The following NOTCH2NLB variants were observed in gnomAD, a reference collection of about 807,000 sequenced individuals.
NOTCH2NLB encodes the protein notch homolog 2 N-terminal-like protein B.
A neutral mutation model predicts 14.8 loss-of-function variants in NOTCH2NLB; 1 was observed. That is an observed-to-expected ratio of 0.07 (90% CI 0.02 to 0.32). NOTCH2NLB has a LOEUF of 0.32. Among genes scored for constraint, NOTCH2NLB ranks in the 10% least tolerant of loss-of-function variants. The pLI is 1.00. For synonymous variants in NOTCH2NLB, 6 were observed against 57.5 expected (o/e 0.10, Z 4.05); for missense variants, 11 against 155.0 (o/e 0.07, Z 4.93).
intron 1 of NOTCH2NLB, among the ~76,000 whole-genome samples, chr1:148,673,683 C>T (rs1268473061): frequency 6.6e-6 from 1 of 151,120 alleles, no homozygotes. Flanking sequence ...TAACCTTATA[C>T]CATAGCAGCT....
At chr1:148,638,058 T>G (rs1664254239) in intron 2 of NOTCH2NLB, among the ~76,000 whole-genome samples, 2 of 148,824 alleles carry the variant, frequency 1.3e-5, no homozygotes, top group Non-Finnish European at 3.0e-5. Context: ...AACACACATG[T>G]GCATGTGTCC....
chr1:148,601,158 C>T, the NOTCH2NLB span, among the ~76,000 whole-genome samples: 4 of 150,358 alleles, frequency 2.7e-5, no homozygotes, highest in African/African-American at 7.5e-5. Flanking sequence ...TCTGGGATCC[C>T]GGAGTTCCCT....
chr1:148,627,745 C>T (rs1367059334), intron 2 of NOTCH2NLB, among the ~76,000 whole-genome samples: 3 of 150,644 alleles, frequency 2.0e-5, no homozygotes, highest in Non-Finnish European at 4.4e-5. Context: ...AACCCTGAGC[C>T]TGTGTTACTC....
At position 148,615,128 on chromosome 1, in the gene NOTCH2NLB, C is replaced by G. The variant is rs1289441020; in HGVS notation, c.337+563G>C. Among the ~76,000 whole-genome samples, 6 of 142,588 alleles carry G rather than the reference C, an allele frequency of 4.2e-5. 1 individual carries two copies. Among genetic ancestry groups the G allele is most frequent in the Non-Finnish European group, 9.5e-5 (6 of 63,016 alleles). 93.5% of individuals were successfully genotyped at this position (142,588 alleles called of 152,430 possible). On this transcript the variant is annotated intron_variant, in intron 3 of 4. Coordinates refer to ENST00000593495, the Ensembl canonical transcript of NOTCH2NLB. Reference sequence around the variant, plus strand: ...AGTGAAGTAAACTCTGATTCCCCATCCTGGTGTACATATTTTTTTTTTTTG... The same window carrying G: ...AGTGAAGTAAACTCTGATTCCCCATGCTGGTGTACATATTTTTTTTTTTTG...
At chr1:148,627,576 A>G (rs1289614800) in intron 2 of NOTCH2NLB, among the ~76,000 whole-genome samples, 52 of 148,530 alleles carry the variant, frequency 3.5e-4, no homozygotes, top group African/African-American at 1.3e-3. Flanking sequence ...AGAAAATGCT[A>G]TAGTACACTA....
At chr1:148,701,025 G>A in the NOTCH2NLB span, among the ~76,000 whole-genome samples, 1 of 57,460 alleles carries the variant, frequency 1.7e-5, no homozygotes, top group African/African-American at 6.2e-5. Flanking sequence ...TAGACTATGT[G>A]GAGGCAGGAG....
At chr1:148,634,379 G>A (rs1664177037) in intron 2 of NOTCH2NLB, among the ~76,000 whole-genome samples, 1 of 145,700 alleles carries the variant, frequency 6.9e-6, no homozygotes, top group African/African-American at 2.5e-5. Flanking sequence ...ATCTGACAAT[G>A]CCCCTGTGCC....
At chr1:148,638,285 A>G (rs1490488756) in intron 2 of NOTCH2NLB, among the ~76,000 whole-genome samples, 3 of 149,322 alleles carry the variant, frequency 2.0e-5, no homozygotes, top group African/African-American at 7.5e-5. Flanking sequence ...TTGCTGAACA[A>G]TAACTACACC....
chr1:148,622,369 C>CAAA (rs1286073065), intron 2 of NOTCH2NLB, among the ~76,000 whole-genome samples: 1 of 83,508 alleles, frequency 1.2e-5, no homozygotes. Flanking sequence ...GACTCCCTCT[C>CAAA]AAAAAAAAAA....
chr1:148,639,078 TCAAA>T (rs1364621949), intron 2 of NOTCH2NLB, among the ~76,000 whole-genome samples: 2 of 139,642 alleles, frequency 1.4e-5, no homozygotes, highest in East Asian at 4.0e-4. Flanking sequence ...ACAGCCTTCC[TCAAA>T]CAAACAAAAC....
chr1:148,674,079 C>T (rs1369680186), intron 1 of NOTCH2NLB, among the ~76,000 whole-genome samples: 3 of 16,362 alleles, frequency 1.8e-4, no homozygotes, highest in African/African-American at 5.7e-4. Flanking sequence ...AGCAATCACC[C>T]CAGACATGCT....
At position 148,670,201 on chromosome 1, in the gene NOTCH2NLB, T is replaced by G. The variant is rs1664728566; in HGVS notation, c.3+9261A>C. ...CAACATTGGTAGCAATTTGATGTTG[T>G]TATATACTGCTAATTATTTCCATAC... is the stretch of plus-strand genomic sequence containing the variant. On this transcript the variant is annotated intron_variant, in intron 1 of 4. Transcript: ENST00000593495. 2.0e-5 allele frequency among the ~76,000 whole-genome samples: 2 copies of G among 98,072 alleles called. 1 individual carries two copies. The highest frequency in any genetic ancestry group is 4.6e-5 in the Non-Finnish European group (2 of 43,258). 64.3% of individuals were successfully genotyped at this position (98,072 alleles called of 152,430 possible). A position where few individuals can be genotyped will look rare whatever the true frequency, so the allele number is the denominator to read the frequency against.
chr1:148,608,652 TACTA>T (rs1663587178), intron 3 of NOTCH2NLB, among the ~76,000 whole-genome samples: 1 of 150,666 alleles, frequency 6.6e-6, no homozygotes, highest in Non-Finnish European at 1.5e-5. Context: ...AAAATATAGT[TACTA>T]AATAGACCTC....
At chr1:148,679,826 C>T, upstream of NOTCH2NLB, 2 of 246,364 alleles carry the variant, frequency 8.1e-6, 1 homozygote, top group South Asian at 1.3e-4. Context: ...AAGCCCCGCC[C>T]CACTGTCGCC....
chr1:148,636,859 G>T (rs1367620294), intron 2 of NOTCH2NLB, among the ~76,000 whole-genome samples: 2 of 142,940 alleles, frequency 1.4e-5, no homozygotes, highest in Admixed American at 1.4e-4. Flanking sequence ...TGCTGAGGTA[G>T]GGAATCACTC....
intron 3 of NOTCH2NLB, among the ~76,000 whole-genome samples, chr1:148,610,323 GAGAAAGAA>G (rs1294416962): frequency 0.033 from 1,511 of 45,480 alleles, 60 homozygotes; most frequent in East Asian, 0.075. Flanking sequence ...GAGAAAGAGA[GAGAAAGAA>G]AGAAAGAAAG....
intron 2 of NOTCH2NLB, among the ~76,000 whole-genome samples, chr1:148,637,998 G>C (rs1664251978): frequency 6.8e-6 from 1 of 147,700 alleles, no homozygotes; most frequent in African/African-American, 2.5e-5. Flanking sequence ...ATCACCGTTG[G>C]GCATTTGGGT....
chr1:148,651,144 G>GAAAAAAAA (rs1159790526), intron 1 of NOTCH2NLB, among the ~76,000 whole-genome samples: 23 of 76,480 alleles, frequency 3.0e-4, no homozygotes, highest in African/African-American at 6.1e-4. Context: ...CTCTGCCTGA[G>GAAAAAAAA]AAAAAAAAAA....
chr1:148,684,845 T>C, the NOTCH2NLB span, among the ~76,000 whole-genome samples: 2 of 109,042 alleles, frequency 1.8e-5, no homozygotes, highest in African/African-American at 6.6e-5. Flanking sequence ...GGAGGACCAC[T>C]TGATCCCAGG....
Sources: allele counts gnomAD v4.1 joint callset (sites outside exome capture counted in the v4.1 genomes callset), GRCh38; gene constraint gnomAD v4.1.1; transcripts MANE v1.5; gene names NCBI Gene and HGNC (gene_info 2026-07-23, HGNC 2026-07-21).